The following CAMK2D variants were observed in gnomAD, a reference collection of about 807,000 sequenced individuals.
CAMK2D encodes the protein calcium/calmodulin-dependent protein kinase type II subunit delta.
In CAMK2D, 37 loss-of-function variants were observed where a neutral mutation model predicts 84.0. That is an observed-to-expected ratio of 0.44 (90% CI 0.34 to 0.58). The LOEUF is 0.58. Among genes scored for constraint, CAMK2D ranks in the 20% least tolerant of loss-of-function variants. The pLI is 0.02. For synonymous variants in CAMK2D, 202 were observed against 212.5 expected, an observed-to-expected ratio of 0.95 and a Z score of 0.43; for missense variants, 448 against 652.5, an observed-to-expected ratio of 0.69 and a Z score of 3.41.
chr4:113,621,124 G>A (rs2099044380), intron 3 of CAMK2D, among the ~76,000 whole-genome samples: 1 of 151,984 alleles, frequency 6.6e-6, no homozygotes, highest in South Asian at 2.1e-4. Flanking sequence ...GTCTCACTAC[G>A]TTGTCTTGGC....
intron 3 of CAMK2D, among the ~76,000 whole-genome samples, chr4:113,660,793 C>CTTTT (rs551244067): frequency 3.9e-5 from 5 of 129,484 alleles, no homozygotes; most frequent in Non-Finnish European, 8.3e-5. Flanking sequence ...CTGAACAATT[C>CTTTT]TTTTTTTTTT....
intron 2 of CAMK2D, among the ~76,000 whole-genome samples, chr4:113,723,997 C>A (rs1306443325): frequency 6.6e-6 from 1 of 151,926 alleles, no homozygotes. Context: ...TGTTATATTA[C>A]GTATTACGTT....
At chr4:113,736,447 G>A (rs539858588) in intron 2 of CAMK2D, among the ~76,000 whole-genome samples, 1 of 152,262 alleles carries the variant, frequency 6.6e-6, no homozygotes, top group East Asian at 1.9e-4. Flanking sequence ...AAGTTAATCA[G>A]CTGGATTTTG....
At chr4:113,547,742 T>G (rs755261266) in intron 5 of CAMK2D, 26 bp from the exon 6 acceptor site, 78 of 1,491,358 alleles carry the variant, frequency 5.2e-5, no homozygotes, top group Non-Finnish European at 6.9e-5. Flanking sequence ...AGGGGGCGTG[T>G]GTTAGTTCCA....
At chr4:113,665,561 G>C (rs1002943461) in intron 2 of CAMK2D, among the ~76,000 whole-genome samples, 1 of 152,158 alleles carries the variant, frequency 6.6e-6, no homozygotes, top group African/African-American at 2.4e-5. Flanking sequence ...AAGCAGTAAA[G>C]ACAGATTATA....
chr4:113,654,506 TC>T (rs1288038726), intron 3 of CAMK2D, among the ~76,000 whole-genome samples: 1 of 152,010 alleles, frequency 6.6e-6, no homozygotes, highest in African/African-American at 2.4e-5. Flanking sequence ...GGCTTTCTCT[TC>T]CTGTATTAAT....
At chr4:113,513,262 C>CAA in intron 12 of CAMK2D, 66 bp downstream of exon 12, 1 of 1,579,212 alleles carries the variant, frequency 6.3e-7, no homozygotes, top group Non-Finnish European at 8.6e-7. Context: ...ATTCCAGAGA[C>CAA]AAAAAAACAG....
chr4:113,669,174 G>A (rs1201316609), intron 2 of CAMK2D, among the ~76,000 whole-genome samples: 1 of 152,032 alleles, frequency 6.6e-6, no homozygotes, highest in East Asian at 1.9e-4. Context: ...TTGTTCAGTT[G>A]CAATTTAAGT....
chr4:113,730,902 A>G (rs1489831376), intron 2 of CAMK2D, among the ~76,000 whole-genome samples: 1 of 152,214 alleles, frequency 6.6e-6, no homozygotes, highest in Non-Finnish European at 1.5e-5. Context: ...TTTCTCACCA[A>G]CTTATACAAC....
Position 113,749,841 on chromosome 4 carries a change from TA to T in CAMK2D, c.160+9478del, listed in dbSNP as rs201694140. On this transcript the variant is annotated intron_variant, in intron 2 of 20. Transcript: ENST00000511664. ...ATTTGTCATGACAAAACTTATGAAA[TA>T]ATTTGTGAATTACAAATTAATTTAT... Among the ~76,000 whole-genome samples the T allele has an allele frequency of 3.3e-5, 5 of 152,354 alleles. No homozygotes were observed. The East Asian group carries it at 9.6e-4, about 29-fold the overall frequency.
intron 3 of CAMK2D, among the ~76,000 whole-genome samples, chr4:113,657,126 T>G (rs920644343): frequency 6.6e-6 from 1 of 152,160 alleles, no homozygotes; most frequent in Non-Finnish European, 1.5e-5. Context: ...AATCCCCAGC[T>G]GTCATTGCTG....
chr4:113,577,619 C>T (rs369281043), intron 4 of CAMK2D, among the ~76,000 whole-genome samples: 2 of 151,956 alleles, frequency 1.3e-5, no homozygotes, highest in African/African-American at 4.8e-5. Context: ...TACGATATAC[C>T]TTTTATTTTC....
chr4:113,715,101 A>G (rs933140681), intron 2 of CAMK2D, among the ~76,000 whole-genome samples: 2 of 152,006 alleles, frequency 1.3e-5, no homozygotes, highest in Non-Finnish European at 2.9e-5. Flanking sequence ...ATTACTTTAC[A>G]TTCTTTTATG....
chr4:113,648,418 C>T (rs935353996), intron 3 of CAMK2D, among the ~76,000 whole-genome samples: 2 of 152,250 alleles, frequency 1.3e-5, no homozygotes, highest in African/African-American at 2.4e-5. Flanking sequence ...TATGCTCTCA[C>T]TATCCCATAC....
intron 3 of CAMK2D, among the ~76,000 whole-genome samples, chr4:113,635,122 T>G (rs2099105114): frequency 6.6e-6 from 1 of 152,164 alleles, no homozygotes; most frequent in Non-Finnish European, 1.5e-5. Flanking sequence ...CGAAAGCACT[T>G]TTTGCTGGGT....
At chr4:113,513,418 C>T (rs1289980112) in intron 11 of CAMK2D, 48 bp from the exon 12 acceptor site, 1 of 1,146,400 alleles carries the variant, frequency 8.7e-7, no homozygotes, top group Non-Finnish European at 1.3e-6. Context: ...TATGCAAATT[C>T]TGGACCTAAC....
intron 2 of CAMK2D, among the ~76,000 whole-genome samples, chr4:113,740,467 C>T (rs2099590257): frequency 6.6e-6 from 1 of 151,950 alleles, no homozygotes; most frequent in Non-Finnish European, 1.5e-5. Flanking sequence ...GAGTGGTTGC[C>T]TGGGTTTGAG....
chr4:113,566,263 T>C (rs1187298678), intron 4 of CAMK2D, among the ~76,000 whole-genome samples: 1 of 152,224 alleles, frequency 6.6e-6, no homozygotes, highest in Non-Finnish European at 1.5e-5. Context: ...CTCTGAATGT[T>C]CAATTCTTTG....
chr4:113,514,185 C>T (rs2098254708), intron 10 of CAMK2D, among the ~76,000 whole-genome samples: 4 of 152,170 alleles, frequency 2.6e-5, no homozygotes, highest in African/African-American at 4.8e-5. Context: ...AAGGCCAAGG[C>T]GGGTGGATCA....
Sources: allele counts gnomAD v4.1 joint callset (sites outside exome capture counted in the v4.1 genomes callset), GRCh38; gene constraint gnomAD v4.1.1; transcripts MANE v1.5; gene names NCBI Gene and HGNC (gene_info 2026-07-23, HGNC 2026-07-21).